Variants in GRIK2 observed in about 807,000 individuals in gnomAD.
GRIK2 encodes glutamate receptor ionotropic, kainate 2.
In GRIK2, 32 loss-of-function variants were observed where a neutral mutation model predicts 100.3. The observed-to-expected ratio is 0.32, with a 90% CI of 0.24 to 0.43. GRIK2 has a LOEUF of 0.43. Ranked by LOEUF, GRIK2 falls within the 20% of genes least tolerant of loss-of-function variation. GRIK2 has a pLI of 1.00. For missense variants in GRIK2, 843 were observed against 1,114.9 expected, an observed-to-expected ratio of 0.76 and a Z score of 3.47; for synonymous variants, 417 against 389.4, an observed-to-expected ratio of 1.07 and a Z score of -0.83.
chr6:101,664,623 T>A lies in GRIK2; in HGVS notation c.542-12000T>A, dbSNP rs1036584571. On this transcript the variant is annotated intron_variant, in intron 4 of 16. Transcript: ENST00000369134. ...TTTGATAATGGCATAATTGCTTTTTTTCATATCAGTGAAAGCAGAAACAGA... is the reference window on the plus strand; with the variant it reads ...TTTGATAATGGCATAATTGCTTTTTATCATATCAGTGAAAGCAGAAACAGA... Among the ~76,000 whole-genome samples, 62 of 152,378 alleles carry A rather than the reference T, an allele frequency of 4.1e-4. 1 individual carries two copies. Among genetic ancestry groups the A allele is most frequent in the African/African-American group, 1.5e-3 (62 of 41,594 alleles).
At chr6:101,780,234 G>A (rs920767829) in intron 7 of GRIK2, among the ~76,000 whole-genome samples, 9 of 152,058 alleles carry the variant, frequency 5.9e-5, no homozygotes, top group East Asian at 3.9e-4. Context: ...CCTGGTATTC[G>A]TAAGACACCC....
intron 14 of GRIK2, among the ~76,000 whole-genome samples, chr6:101,953,980 A>G (rs1270593450): frequency 1.3e-5 from 2 of 152,124 alleles, no homozygotes; most frequent in East Asian, 3.8e-4. Flanking sequence ...TGTAGATATC[A>G]AAGTGTCCCA....
At chr6:101,901,698 C>G (rs1787855963) in intron 12 of GRIK2, among the ~76,000 whole-genome samples, 1 of 151,676 alleles carries the variant, frequency 6.6e-6, no homozygotes, top group Non-Finnish European at 1.5e-5. Context: ...GTCATAAATT[C>G]TAAAGTTGAT....
chr6:101,953,854 A>G (rs777983946), intron 14 of GRIK2, among the ~76,000 whole-genome samples: 24 of 152,050 alleles, frequency 1.6e-4, no homozygotes, highest in Non-Finnish European at 2.8e-4. Flanking sequence ...AAGAGTTACT[A>G]CTATATTTTT....
chr6:101,719,138 GTTTTTTTTTTTTTTTTTTTTTTTTT>G (rs60301711), intron 7 of GRIK2, among the ~76,000 whole-genome samples: 1 of 101,152 alleles, frequency 9.9e-6, no homozygotes, highest in African/African-American at 5.0e-5. Context: ...GGCTGCAAGG[GTTTTTTTTTTTTTTTTTTTTTTTTT>G]TTTTTTTTTT....
At chr6:101,642,588 G>A (rs979838887) in intron 4 of GRIK2, among the ~76,000 whole-genome samples, 1 of 151,658 alleles carries the variant, frequency 6.6e-6, no homozygotes, top group East Asian at 1.9e-4. Context: ...TTGTTTTTAA[G>A]GCTCAATTAT....
In GRIK2 at chr6:101,689,377, A is replaced by G. The variant is rs73761400; in HGVS notation, c.951+3024A>G. On this transcript the variant is annotated intron_variant, in intron 7 of 16. Coordinates refer to ENST00000369134, the MANE Select transcript of GRIK2 (RefSeq NM_021956.5). Reference sequence around the variant, plus strand: ...TAATCATTTGCCATTGTGTAAGATCATAGTGCTCAGACTTTGACATCCTTT... The same window carrying G: ...TAATCATTTGCCATTGTGTAAGATCGTAGTGCTCAGACTTTGACATCCTTT... Among the ~76,000 whole-genome samples, 1,511 of 152,234 alleles carry G rather than the reference A, an allele frequency of 9.9e-3. 23 individuals are homozygous for G. Among genetic ancestry groups the G allele is most frequent in the African/African-American group, 0.034 (1,417 of 41,560 alleles).
chr6:101,802,179 T>G (rs1780712922), intron 8 of GRIK2, 152 bp from the exon 9 acceptor site: 2 of 416,142 alleles, frequency 4.8e-6, no homozygotes, highest in African/African-American at 4.1e-5. Context: ...TAGAAAAACA[T>G]TTTTCAAATT....
intron 14 of GRIK2, among the ~76,000 whole-genome samples, chr6:101,965,462 A>G (rs1792602331): frequency 6.6e-6 from 1 of 152,134 alleles, no homozygotes; most frequent in African/African-American, 2.4e-5. Flanking sequence ...TTTATCTGTC[A>G]TTGTTCTCCC....
chr6:101,868,777 T>C (rs534731380), intron 11 of GRIK2, among the ~76,000 whole-genome samples: 1 of 151,952 alleles, frequency 6.6e-6, no homozygotes. Context: ...TAAATTTGAG[T>C]AATAGAAATT....
chr6:101,783,080 G>A (rs1020964108), intron 7 of GRIK2, among the ~76,000 whole-genome samples: 1 of 151,860 alleles, frequency 6.6e-6, no homozygotes, highest in African/African-American at 2.4e-5. Flanking sequence ...GGATGGTCTC[G>A]ATCTCCTGAC....
chr6:101,644,074 A>G (rs145988657), intron 4 of GRIK2, among the ~76,000 whole-genome samples: 208 of 151,910 alleles, frequency 1.4e-3, no homozygotes, highest in African/African-American at 4.8e-3. Flanking sequence ...TATATAAAGT[A>G]ATATCTTATC....
At chr6:101,722,204 G>A (rs1407262800) in intron 7 of GRIK2, among the ~76,000 whole-genome samples, 1 of 151,916 alleles carries the variant, frequency 6.6e-6, no homozygotes, top group East Asian at 1.9e-4. Flanking sequence ...ATGGTATGAA[G>A]AGATTAGTAA....
chr6:101,890,821 C>T (rs1046563653), intron 12 of GRIK2, among the ~76,000 whole-genome samples: 1 of 151,570 alleles, frequency 6.6e-6, no homozygotes, highest in African/African-American at 2.4e-5. Flanking sequence ...TGCCTCAGGA[C>T]TGATGACTCT....
intron 2 of GRIK2, among the ~76,000 whole-genome samples, chr6:101,598,080 G>A (rs566686600): frequency 6.6e-6 from 1 of 151,838 alleles, no homozygotes; most frequent in African/African-American, 2.4e-5. Flanking sequence ...AAAATGTTTA[G>A]TAACTTTTCA....
chr6:101,830,253 T>G (rs1235558321), intron 10 of GRIK2, among the ~76,000 whole-genome samples: 3 of 151,990 alleles, frequency 2.0e-5, no homozygotes, highest in Admixed American at 6.6e-5. Context: ...CCACTACTTT[T>G]CACTCTATAC....
intron 7 of GRIK2, among the ~76,000 whole-genome samples, chr6:101,689,698 G>A (rs2128345915): frequency 6.6e-6 from 1 of 152,134 alleles, no homozygotes; most frequent in East Asian, 1.9e-4. Flanking sequence ...AAGAAATAAA[G>A]CTCAACACTC....
intron 4 of GRIK2, among the ~76,000 whole-genome samples, chr6:101,669,434 C>T (rs1344375175): frequency 6.6e-6 from 1 of 152,078 alleles, no homozygotes; most frequent in South Asian, 2.1e-4. Flanking sequence ...GACATATAAA[C>T]CATCTCAATT....
At chr6:101,645,970 C>A (rs1293306125) in intron 4 of GRIK2, among the ~76,000 whole-genome samples, 1 of 151,856 alleles carries the variant, frequency 6.6e-6, no homozygotes, top group Non-Finnish European at 1.5e-5. Context: ...TAAATTCTAT[C>A]GCCACCTAGT....
Sources: allele counts gnomAD v4.1 joint callset (sites outside exome capture counted in the v4.1 genomes callset), GRCh38; gene constraint gnomAD v4.1.1; transcripts MANE v1.5; gene names NCBI Gene and HGNC (gene_info 2026-07-23, HGNC 2026-07-21).